BMP8A: variants seen among roughly 807,000 people sequenced by gnomAD.
BMP8A encodes BMP-8A.
A neutral mutation model predicts 36.8 loss-of-function variants in BMP8A; 14 were observed. That is an observed-to-expected ratio of 0.38 (90% CI 0.25 to 0.60). BMP8A has a LOEUF of 0.60. BMP8A is among the 20% of genes least tolerant of loss of function. The probability of loss-of-function intolerance (pLI) is 0.63; values close to 1 mark genes in which losing one functional copy is unlikely to be tolerated. For missense variants in BMP8A, 267 were observed against 551.1 expected, an observed-to-expected ratio of 0.48 and a Z score of 5.16; for synonymous variants, 120 against 237.7, an observed-to-expected ratio of 0.50 and a Z score of 4.55.
intron 1 of BMP8A, among the ~76,000 whole-genome samples, chr1:39,508,449 C>T (rs1440688344): frequency 1.3e-5 from 2 of 152,314 alleles, no homozygotes; most frequent in Admixed American, 1.3e-4. Flanking sequence ...CTTTCACAGC[C>T]CTGGGTGGGA....
chr1:39,503,458 C>G (rs1197566525), intron 1 of BMP8A, among the ~76,000 whole-genome samples: 4 of 149,560 alleles, frequency 2.7e-5, no homozygotes, highest in African/African-American at 9.8e-5. Context: ...GATTTCATCT[C>G]TACAAAAAAT....
At chr1:39,498,850 A>C (rs1368658199) in intron 1 of BMP8A, among the ~76,000 whole-genome samples, 1 of 152,038 alleles carries the variant, frequency 6.6e-6, no homozygotes, top group Non-Finnish European at 1.5e-5. Context: ...AGGCAGGTCC[A>C]CAGCAACGGG....
chr1:39,517,139 C>A (rs1277840501), intron 3 of BMP8A, among the ~76,000 whole-genome samples: 2 of 151,848 alleles, frequency 1.3e-5, no homozygotes, highest in Admixed American at 6.6e-5. Context: ...GCGCACATCA[C>A]AATGCCTGCT....
rs940757365 is a variant in BMP8A, at chr1:39,527,657, A to G, written c.*1859A>G. Among the ~76,000 whole-genome samples, 1 of 152,254 alleles carries G rather than the reference A, an allele frequency of 6.6e-6. No homozygotes were observed. Among genetic ancestry groups the G allele is most frequent in the Admixed American group, 6.5e-5 (1 of 15,290 alleles). ...TCTCATGTACATAAAGGGTGGGCCC[A>G]GGCTGTCTGGAAGATGGTGAGTTCC... is the stretch of plus-strand genomic sequence containing the variant. On this transcript the variant is annotated 3_prime_UTR_variant, in exon 7 of 7. Coordinates refer to ENST00000331593, the MANE Select transcript of BMP8A (RefSeq NM_181809.4).
At position 39,526,911 on chromosome 1, in the gene BMP8A, T is replaced by C. The variant is rs1030533865; in HGVS notation, c.*1113T>C. ...TGTCAGTAATCAACCTACGTACCTTTCCCACTGAACCAGGACAGGGCCTCC... is the reference window on the plus strand; with the variant it reads ...TGTCAGTAATCAACCTACGTACCTTCCCCACTGAACCAGGACAGGGCCTCC... On this transcript the variant is annotated 3_prime_UTR_variant, in exon 7 of 7. Coordinates refer to ENST00000331593, the MANE Select transcript of BMP8A (RefSeq NM_181809.4). Among the ~76,000 whole-genome samples, 1 of 152,128 alleles carries C rather than the reference T, an allele frequency of 6.6e-6. No homozygotes were observed. Among genetic ancestry groups the C allele is most frequent in the Non-Finnish European group, 1.5e-5 (1 of 68,016 alleles).
Position 39,527,960 on chromosome 1 carries a change from C to CT in BMP8A, c.*2163dup. The stretch of plus-strand genomic sequence containing the variant: ...CCCCTGCTGCCATAGGACTTGGGGC[C>CT]TATCTGCCATTGCAGGACCTGATTT... On this transcript the variant is annotated 3_prime_UTR_variant, in exon 7 of 7. Transcript: ENST00000331593. 6.6e-6 allele frequency among the ~76,000 whole-genome samples: 1 copy of CT among 152,342 alleles called. No homozygotes were observed. Among genetic ancestry groups the CT allele is most frequent in the East Asian group, 1.9e-4 (1 of 5,192 alleles).
At chr1:39,500,537 G>GTGA (rs998013372) in intron 1 of BMP8A, among the ~76,000 whole-genome samples, 7 of 151,110 alleles carry the variant, frequency 4.6e-5, no homozygotes, top group Non-Finnish European at 7.4e-5. Context: ...GTGTTTGATA[G>GTGA]TGATGATGAT....
chr1:39,523,601 G>T (rs1465020124), intron 6 of BMP8A: 1 of 1,428,854 alleles, frequency 7.0e-7, no homozygotes, highest in Non-Finnish European at 9.2e-7. Flanking sequence ...AGATGGTGTG[G>T]CTCTCAACCT....
chr1:39,506,702 C>T (rs1645304699), intron 1 of BMP8A, among the ~76,000 whole-genome samples: 1 of 152,134 alleles, frequency 6.6e-6, no homozygotes, highest in South Asian at 2.1e-4. Flanking sequence ...GCATTATTCC[C>T]AGCCCCCCTT....
chr1:39,493,295 A>ACAACC (rs1471963149), intron 1 of BMP8A, among the ~76,000 whole-genome samples: 5 of 152,330 alleles, frequency 3.3e-5, no homozygotes, highest in Admixed American at 6.5e-5. Flanking sequence ...CATCCTCCCG[A>ACAACC]CAACCCTGAT....
chr1:39,497,449 TC>T (rs1645215158), intron 1 of BMP8A, among the ~76,000 whole-genome samples: 1 of 152,162 alleles, frequency 6.6e-6, no homozygotes, highest in Admixed American at 6.5e-5. Flanking sequence ...GCACCATTGC[TC>T]GTTGGGTAGC....
chr1:39,498,819 CAG>C (rs1315870686), intron 1 of BMP8A, among the ~76,000 whole-genome samples: 1 of 152,082 alleles, frequency 6.6e-6, no homozygotes, highest in Non-Finnish European at 1.5e-5. Flanking sequence ...TGTCCACCCT[CAG>C]GGGCCAGGCC....
chr1:39,495,811 A>C (rs1464996469), intron 1 of BMP8A, among the ~76,000 whole-genome samples: 3 of 151,992 alleles, frequency 2.0e-5, no homozygotes, highest in Admixed American at 2.0e-4. Flanking sequence ...ATCCTTCTCC[A>C]CCCATCTCAG....
In BMP8A at chr1:39,492,312, C is replaced by A; in HGVS notation, c.321C>A (p.Ser107Arg). 1 of 1,561,628 alleles carries A rather than the reference C, an allele frequency of 6.4e-7. No homozygotes were observed. The highest frequency in any genetic ancestry group is 1.4e-5 in the African/African-American group (1 of 70,122). ...QRLGRADLVMSFVNMVERDRA... is the reference protein window; with the variant it reads ...QRLGRADLVMRFVNMVERDRA... Reference sequence around the variant, plus strand: ...TGGGCCGCGCCGACCTGGTCATGAGCTTCGTCAACATGGGTGAGTGCGGCC... The same window carrying A: ...TGGGCCGCGCCGACCTGGTCATGAGATTCGTCAACATGGGTGAGTGCGGCC... Residue 107 changes from serine (S) to arginine (R), a missense_variant, in exon 1 of 7, where the codon AGC (serine) becomes AGA (arginine). Ser to Arg is a moderately radical substitution (Grantham distance 110). Coordinates refer to ENST00000331593, the MANE Select transcript of BMP8A (RefSeq NM_181809.4).
rs1456473410 is a variant in BMP8A at position 39,499,064 on chromosome 1, A to G, written c.334+6739A>G. Among the ~76,000 whole-genome samples, 6 of 152,260 alleles carry G rather than the reference A, an allele frequency of 3.9e-5. No individual in the cohort carries two copies. The South Asian group carries it at 6.2e-4, about 16-fold the overall frequency. Reference sequence around the variant, plus strand: ...CGATGAGCTGACATGCGAGCCTCCCATGTCCACCCACATGGCTCCATCCCG... The same window carrying G: ...CGATGAGCTGACATGCGAGCCTCCCGTGTCCACCCACATGGCTCCATCCCG... On this transcript the variant is annotated intron_variant, in intron 1 of 6. Transcript: ENST00000331593.
rs1570306665 is a variant in BMP8A, at chr1:39,515,791, G to A, written c.673+3887G>A. Reference sequence around the variant, plus strand: ...AACGAATTGAGCGCTTAACGATCCGGAAAGAGGAAGATGGAGACGCTGGAA... The same window carrying A: ...AACGAATTGAGCGCTTAACGATCCGAAAAGAGGAAGATGGAGACGCTGGAA... On this transcript the variant is annotated intron_variant, in intron 3 of 6. Coordinates refer to ENST00000331593, the MANE Select transcript of BMP8A (RefSeq NM_181809.4). 3.1e-6 allele frequency: 5 copies of A among 1,591,016 alleles called. No individual in the cohort carries two copies. The East Asian group carries it at 8.9e-5, about 28-fold the overall frequency.
intron 1 of BMP8A, among the ~76,000 whole-genome samples, chr1:39,503,869 A>G (rs537929591): frequency 2.7e-4 from 41 of 152,218 alleles, no homozygotes; most frequent in Non-Finnish European, 4.9e-4. Context: ...TGAGTTTGGA[A>G]GGTTGTGGCT....
chr1:39,508,933 G>A (rs774226735), intron 1 of BMP8A, among the ~76,000 whole-genome samples: 13 of 152,228 alleles, frequency 8.5e-5, no homozygotes, highest in African/African-American at 2.7e-4. Flanking sequence ...CCCACAGCGC[G>A]GAAGTTTGGA....
At chr1:39,511,072 C>T in intron 1 of BMP8A, 102 bp from the exon 2 acceptor site, 2 of 1,553,948 alleles carry the variant, frequency 1.3e-6, no homozygotes, top group Non-Finnish European at 1.7e-6. Flanking sequence ...GTCCGCTCCA[C>T]CTTGAGTGGT....
Sources: allele counts gnomAD v4.1 joint callset (sites outside exome capture counted in the v4.1 genomes callset), GRCh38; gene constraint gnomAD v4.1.1; transcripts MANE v1.5; gene names NCBI Gene and HGNC (gene_info 2026-07-23, HGNC 2026-07-21).